Variants in CLASP1 observed in about 807,000 individuals in gnomAD.
CLASP1 encodes CLIP-associating protein 1.
CLASP1 carries 38 observed loss-of-function variants against 192.3 expected under a neutral mutation model. That is an observed-to-expected ratio of 0.20 (90% CI 0.15 to 0.26). CLASP1 has a LOEUF of 0.26. CLASP1 is among the 10% of genes least tolerant of loss of function. The pLI is 1.00. For synonymous variants in CLASP1, 691 were observed against 712.8 expected, an observed-to-expected ratio of 0.97 and a Z score of 0.49; for missense variants, 1,433 against 1,932.5, an observed-to-expected ratio of 0.74 and a Z score of 4.85.
intron 8 of CLASP1, among the ~76,000 whole-genome samples, chr2:121,472,032 C>T (rs2090831539): frequency 6.6e-6 from 1 of 152,180 alleles, no homozygotes; most frequent in Non-Finnish European, 1.5e-5. Flanking sequence ...CAAGAACATA[C>T]GAACTGCTGT....
At chr2:121,520,942 G>A (rs1272055932) in intron 6 of CLASP1, among the ~76,000 whole-genome samples, 1 of 152,088 alleles carries the variant, frequency 6.6e-6, no homozygotes, top group South Asian at 2.1e-4. Flanking sequence ...GGTCACACAG[G>A]GGCACGGAAT....
At chr2:121,406,130 G>C (rs1328167492) in intron 25 of CLASP1, among the ~76,000 whole-genome samples, 1 of 152,116 alleles carries the variant, frequency 6.6e-6, no homozygotes, top group Non-Finnish European at 1.5e-5. Flanking sequence ...TGACATTTTT[G>C]CACTGTTATG....
chr2:121,387,344 G>GTTT, intron 31 of CLASP1, 116 bp from the exon 33 acceptor site: 1 of 656,676 alleles, frequency 1.5e-6, no homozygotes, highest in Non-Finnish European at 2.4e-6. Context: ...GCCCAGGATG[G>GTTT]TTTTTTTTTT....
chr2:121,365,442 C>T (rs919670570), intron 35 of CLASP1, among the ~76,000 whole-genome samples, 158 bp from the exon 37 acceptor site: 1 of 152,184 alleles, frequency 6.6e-6, no homozygotes, highest in Non-Finnish European at 1.5e-5. Flanking sequence ...CTTCGCTGTC[C>T]GGCCTCAGCC....
At chr2:121,502,161 T>C (rs561740732) in intron 8 of CLASP1, among the ~76,000 whole-genome samples, 2 of 152,182 alleles carry the variant, frequency 1.3e-5, no homozygotes, top group South Asian at 2.1e-4. Context: ...CTGGCAACAA[T>C]AGACTACAAT....
chr2:121,357,295 T>G (rs867200557), intron 37 of CLASP1, among the ~76,000 whole-genome samples: 1 of 152,208 alleles, frequency 6.6e-6, no homozygotes, highest in Admixed American at 6.5e-5. Flanking sequence ...TCAAAATCAG[T>G]CTACTTTCTT....
At chr2:121,360,501 C>G (rs1185914990) in intron 37 of CLASP1, among the ~76,000 whole-genome samples, 3 of 151,144 alleles carry the variant, frequency 2.0e-5, no homozygotes, top group Non-Finnish European at 4.4e-5. Context: ...ACAACACAAA[C>G]TTTATGTGCA....
At chr2:121,542,288 A>T (rs2095250740) in intron 2 of CLASP1, among the ~76,000 whole-genome samples, 1 of 152,244 alleles carries the variant, frequency 6.6e-6, no homozygotes, top group Non-Finnish European at 1.5e-5. Flanking sequence ...CTGAGTCAAA[A>T]AGAAAACACA....
At chr2:121,433,975 T>C (rs916185284) in intron 19 of CLASP1, among the ~76,000 whole-genome samples, 11 of 152,196 alleles carry the variant, frequency 7.2e-5, no homozygotes, top group Non-Finnish European at 2.9e-5. Flanking sequence ...AAACTGACAA[T>C]GCAATTATCC....
chr2:121,593,220 C>T (rs2062636497), intron 2 of CLASP1, among the ~76,000 whole-genome samples: 1 of 152,076 alleles, frequency 6.6e-6, no homozygotes, highest in South Asian at 2.1e-4. Flanking sequence ...GAAGAAGCAT[C>T]AAACAACGTC....
intron 6 of CLASP1, among the ~76,000 whole-genome samples, chr2:121,524,914 T>G (rs2094539575): frequency 6.6e-6 from 1 of 151,810 alleles, no homozygotes; most frequent in East Asian, 1.9e-4. Context: ...CTGCTGGAAC[T>G]AAGAGCACGA....
intron 2 of CLASP1, among the ~76,000 whole-genome samples, chr2:121,583,826 T>C (rs531895616): frequency 6.6e-6 from 1 of 152,216 alleles, no homozygotes; most frequent in Non-Finnish European, 1.5e-5. Context: ...GGTGATTAAG[T>C]CATGAGGGCA....
chr2:121,418,606 A>G lies in CLASP1; in HGVS notation c.2320+16T>C. 6.3e-7 allele frequency: 1 copy of G among 1,581,662 alleles called. No individual in the cohort carries two copies. Among genetic ancestry groups the G allele is most frequent in the Non-Finnish European group, 8.7e-7 (1 of 1,150,878 alleles). ...AGGAACTCTTTGCTCCTCAGCCAGCACCTACGTGTACTCACCAAGTGGAGG... is the reference window on the plus strand; with the variant it reads ...AGGAACTCTTTGCTCCTCAGCCAGCGCCTACGTGTACTCACCAAGTGGAGG... On this transcript the variant is annotated intron_variant, in intron 23 of 39. Transcript: ENST00000263710.
chr2:121,381,172 CA>C (rs765192734), intron 33 of CLASP1, among the ~76,000 whole-genome samples: 114 of 152,224 alleles, frequency 7.5e-4, no homozygotes, highest in Admixed American at 2.4e-3. Flanking sequence ...ATAAGAGCTT[CA>C]AAAGGAAGGT....
chr2:121,633,036 T>C (rs2070093637), intron 1 of CLASP1, among the ~76,000 whole-genome samples: 2 of 119,218 alleles, frequency 1.7e-5, no homozygotes, highest in South Asian at 5.6e-4. Context: ...ATAGGCTTTT[T>C]TTCATGAATA....
intron 2 of CLASP1, among the ~76,000 whole-genome samples, chr2:121,578,854 CAA>C (rs890871435): frequency 3.3e-5 from 5 of 150,794 alleles, no homozygotes; most frequent in African/African-American, 1.2e-4. Flanking sequence ...CACACACACA[CAA>C]AAAAAAACTT....
chr2:121,410,003 C>T (rs2077469030), intron 24 of CLASP1, among the ~76,000 whole-genome samples: 1 of 152,108 alleles, frequency 6.6e-6, no homozygotes, highest in African/African-American at 2.4e-5. Flanking sequence ...ATCACCATAG[C>T]CATAAACTAT....
At chr2:121,503,325 C>T in intron 7 of CLASP1, 91 bp from the exon 8 acceptor site, 2 of 740,886 alleles carry the variant, frequency 2.7e-6, no homozygotes, top group Non-Finnish European at 4.6e-6. Context: ...ATCCCCACTC[C>T]CCATCAAAAA....
intron 2 of CLASP1, among the ~76,000 whole-genome samples, chr2:121,585,731 C>T (rs867980044): frequency 6.6e-6 from 1 of 151,992 alleles, no homozygotes; most frequent in South Asian, 2.1e-4. Context: ...AACACCATCT[C>T]TACTAAAAAT....
Sources: allele counts gnomAD v4.1 joint callset (sites outside exome capture counted in the v4.1 genomes callset), GRCh38; gene constraint gnomAD v4.1.1; transcripts MANE v1.5; gene names NCBI Gene and HGNC (gene_info 2026-07-23, HGNC 2026-07-21).